Variants in BTBD9 observed in about 807,000 individuals in gnomAD.
The protein encoded by BTBD9 is BTB/POZ domain-containing protein 9.
BTBD9 carries 49 observed loss-of-function variants against 64.3 expected under a neutral mutation model. The ratio of observed to expected loss-of-function variants is 0.76; its 90% CI spans 0.61 to 0.97. The LOEUF is 0.97. BTBD9 is among the 50% of genes least tolerant of loss of function. The probability of loss-of-function intolerance (pLI) is 0.00; values close to 1 mark genes in which losing one functional copy is unlikely to be tolerated. For synonymous variants in BTBD9, 260 were observed against 274.7 expected (o/e 0.95, Z 0.53); for missense variants, 598 against 762.1 (o/e 0.78, Z 2.53).
chr6:38,475,327 A>C (rs1401796088), intron 6 of BTBD9, among the ~76,000 whole-genome samples: 1 of 152,156 alleles, frequency 6.6e-6, no homozygotes, highest in Non-Finnish European at 1.5e-5. Context: ...TAACAGTTAC[A>C]TTTAAAAGGA....
chr6:38,194,154 G>A (rs368962326), intron 9 of BTBD9, among the ~76,000 whole-genome samples: 133 of 152,288 alleles, frequency 8.7e-4, no homozygotes, highest in African/African-American at 3.1e-3. Context: ...TGGGCCGGCA[G>A]GGGAGCCTGC....
intron 9 of BTBD9, among the ~76,000 whole-genome samples, chr6:38,231,569 C>T (rs945087368): frequency 2.6e-5 from 4 of 152,146 alleles, no homozygotes; most frequent in African/African-American, 9.7e-5. Flanking sequence ...ACTTAGAATT[C>T]CATCACAATG....
intron 6 of BTBD9, among the ~76,000 whole-genome samples, chr6:38,527,596 T>C (rs1177003488): frequency 6.6e-6 from 1 of 152,168 alleles, no homozygotes; most frequent in Non-Finnish European, 1.5e-5. Context: ...GTATGTTTCC[T>C]GAGGCCTCCC....
At chr6:38,564,170 G>A (rs1030950371) in intron 6 of BTBD9, among the ~76,000 whole-genome samples, 1 of 152,084 alleles carries the variant, frequency 6.6e-6, no homozygotes, top group East Asian at 1.9e-4. Flanking sequence ...AACTGTATTC[G>A]TGTTATACCT....
chr6:38,626,744 A>C (rs988706943), intron 1 of BTBD9, among the ~76,000 whole-genome samples: 1 of 152,222 alleles, frequency 6.6e-6, no homozygotes, highest in Non-Finnish European at 1.5e-5. Flanking sequence ...CTTTGCTGCA[A>C]TCAAGCCTAA....
At chr6:38,365,160 C>T (rs2127600705) in intron 6 of BTBD9, among the ~76,000 whole-genome samples, 1 of 152,228 alleles carries the variant, frequency 6.6e-6, no homozygotes, top group South Asian at 2.1e-4. Context: ...CTATGCCAGG[C>T]ACTACGCTAA....
chr6:38,445,727 G>GA (rs1335219086), intron 6 of BTBD9, among the ~76,000 whole-genome samples: 1 of 152,024 alleles, frequency 6.6e-6, no homozygotes. Context: ...TATATTGAAA[G>GA]AAAAAATGTC....
At chr6:38,473,233 CTT>C (rs902881416) in intron 6 of BTBD9, among the ~76,000 whole-genome samples, 4 of 152,232 alleles carry the variant, frequency 2.6e-5, no homozygotes, top group Admixed American at 6.5e-5. Context: ...ATGCAATACT[CTT>C]TTTAAAAAAT....
chr6:38,588,987 G>T (rs1270632338), intron 4 of BTBD9, among the ~76,000 whole-genome samples: 3 of 152,276 alleles, frequency 2.0e-5, no homozygotes, highest in Non-Finnish European at 2.9e-5. Flanking sequence ...ACAGGGAAGT[G>T]TAATGCTTCC....
At chr6:38,455,212 T>G (rs1043856229) in intron 6 of BTBD9, among the ~76,000 whole-genome samples, 1 of 152,226 alleles carries the variant, frequency 6.6e-6, no homozygotes, top group Non-Finnish European at 1.5e-5. Context: ...CTCATGTACT[T>G]ACCACCACAA....
chr6:38,185,050 C>G (rs1250281652), intron 10 of BTBD9, among the ~76,000 whole-genome samples: 1 of 152,130 alleles, frequency 6.6e-6, no homozygotes, highest in Non-Finnish European at 1.5e-5. Context: ...AGCGGTGAGC[C>G]TGCAGAGTGC....
rs35699356 is a variant in BTBD9, at chr6:38,439,110, C to CTTTTTTTTTTTTTTTTTTTTTTTTT, written c.1155-94018_1155-94017insAAAAAAAAAAAAAAAAAAAAAAAAA. ...TCTTGTAGGCTCGTGTAGCAACTGA[C>CTTTTTTTTTTTTTTTTTTTTTTTTT]TTTTTTTTTTTTTTTTTTTTTTTTG... On this transcript the variant is annotated intron_variant, in intron 6 of 10. Coordinates refer to ENST00000481247, the MANE Select transcript of BTBD9 (RefSeq NM_001099272.2). Among the ~76,000 whole-genome samples the CTTTTTTTTTTTTTTTTTTTTTTTTT allele has an allele frequency of 6.2e-5, 4 of 64,066 alleles. 1 individual carries two copies. Among genetic ancestry groups the CTTTTTTTTTTTTTTTTTTTTTTTTT allele is most frequent in the African/African-American group, 2.7e-4 (4 of 14,566 alleles). 42.0% of individuals were successfully genotyped at this position (64,066 alleles called of 152,430 possible). A position where few individuals can be genotyped will look rare whatever the true frequency, so the allele number is the denominator to read the frequency against.
chr6:38,195,422 C>T (rs1194666623), intron 9 of BTBD9, among the ~76,000 whole-genome samples: 3 of 152,128 alleles, frequency 2.0e-5, no homozygotes, highest in East Asian at 1.9e-4. Flanking sequence ...CATGGCAGCC[C>T]GCCCAGTTCA....
intron 6 of BTBD9, among the ~76,000 whole-genome samples, chr6:38,465,707 TTATATATATATATATATATATATA>T (rs1157324453): frequency 0.018 from 849 of 46,850 alleles, 54 homozygotes; most frequent in Middle Eastern, 0.064. Flanking sequence ...AATAAATAAA[TTATATATATATATATATATATATA>T]TATATATATA....
chr6:38,539,742 C>T (rs796144875), intron 6 of BTBD9, among the ~76,000 whole-genome samples: 4 of 152,132 alleles, frequency 2.6e-5, no homozygotes, highest in African/African-American at 9.6e-5. Context: ...GGTATAAAAA[C>T]CCACCACAAA....
chr6:38,194,869 G>T (rs898385681), intron 9 of BTBD9, among the ~76,000 whole-genome samples: 2 of 152,242 alleles, frequency 1.3e-5, no homozygotes, highest in Admixed American at 6.5e-5. Flanking sequence ...AGGCAGGGGA[G>T]GCAGGGCTGG....
At chr6:38,310,503 T>C (rs1452698094) in intron 7 of BTBD9, among the ~76,000 whole-genome samples, 1 of 152,144 alleles carries the variant, frequency 6.6e-6, no homozygotes, top group African/African-American at 2.4e-5. Context: ...GGAAACAAGA[T>C]CATGCCATGT....
chr6:38,548,219 C>T (rs6931131), intron 6 of BTBD9, among the ~76,000 whole-genome samples: 71,007 of 152,048 alleles, frequency 0.47, 16,681 homozygotes, highest in East Asian at 0.54. Flanking sequence ...GATAGGATTA[C>T]TTCAATTTCA....
chr6:38,567,172 C>A (rs1232890913), intron 6 of BTBD9, among the ~76,000 whole-genome samples: 1 of 152,158 alleles, frequency 6.6e-6, no homozygotes, highest in Non-Finnish European at 1.5e-5. Flanking sequence ...TAAATTAGTT[C>A]TTTCTATAAC....
Sources: allele counts gnomAD v4.1 joint callset (sites outside exome capture counted in the v4.1 genomes callset), GRCh38; gene constraint gnomAD v4.1.1; transcripts MANE v1.5; gene names NCBI Gene and HGNC (gene_info 2026-07-23, HGNC 2026-07-21).